TNR: variants seen among roughly 807,000 people sequenced by gnomAD.
The protein encoded by TNR is tenascin-R.
A neutral mutation model predicts 150.4 loss-of-function variants in TNR; 45 were observed. That is an observed-to-expected ratio of 0.30 (90% CI 0.24 to 0.38). The LOEUF (loss-of-function observed/expected upper bound fraction) is 0.38. Among genes scored for constraint, TNR ranks in the 10% least tolerant of loss-of-function variants. The pLI, the probability that TNR is intolerant of heterozygous loss-of-function variation, is 1.00. For synonymous variants in TNR, 687 were observed against 678.4 expected (o/e 1.01, Z -0.20); for missense variants, 1,544 against 1,759.1 (o/e 0.88, Z 2.19).
chr1:175,363,794 T>C lies in TNR; in HGVS notation c.2621A>G (p.Asn874Ser). ...GACCATCACTGAGTCCTTGGTCACA[T>C]TGCTAATTGTGATGTCTTTTGGGGG... is the stretch of plus-strand genomic sequence containing the variant. ...IDPPKDITIS[N>S]VTKDSVMVSW... Residue 874 changes from asparagine to serine, a missense_variant, in exon 13 of 23, where the codon AAT (asparagine) becomes AGT (serine). Physicochemically the swap from Asn to Ser is conservative, Grantham distance 46. Coordinates refer to ENST00000367674, the MANE Select transcript of TNR (RefSeq NM_003285.3). 14 of 1,613,624 alleles carry C rather than the reference T, an allele frequency of 8.7e-6. No individual in the cohort carries two copies. The highest frequency in any genetic ancestry group is 1.1e-5 in the Non-Finnish European group (13 of 1,179,712).
At chr1:175,364,007 G>A (rs1205572057) in intron 12 of TNR, among the ~76,000 whole-genome samples, 180 bp from the exon 13 acceptor site, 1 of 152,182 alleles carries the variant, frequency 6.6e-6, no homozygotes, top group African/African-American at 2.4e-5. Context: ...AACCTTGTAG[G>A]TATGACCAAA....
chr1:175,360,136 C>T (rs1330401426), intron 14 of TNR, among the ~76,000 whole-genome samples: 1 of 152,186 alleles, frequency 6.6e-6, no homozygotes, highest in Non-Finnish European at 1.5e-5. Context: ...ACTTCCCAGG[C>T]TATTTGCACT....
At chr1:175,405,618 AGTGTGTGT>A (rs60670165) in intron 3 of TNR, among the ~76,000 whole-genome samples, 35,862 of 150,054 alleles carry the variant, frequency 0.24, 4,977 homozygotes, top group East Asian at 0.52. Flanking sequence ...TGTGTGTGAG[AGTGTGTGT>A]GTGTGTGTGT....
chr1:175,445,014 TA>T (rs1276419829), intron 2 of TNR, among the ~76,000 whole-genome samples: 2 of 152,146 alleles, frequency 1.3e-5, no homozygotes, highest in Admixed American at 1.3e-4. Flanking sequence ...CTCACACCTG[TA>T]ATCCCAGTAC....
Position 175,677,655 on chromosome 1 carries a change from A to C in TNR, c.-165+65571T>G, listed in dbSNP as rs544252546. ...CAGGGAGGAGAAGAAGATGGAGAGAAGGTACAAGGAGAGGCAGAGTTGTGG... is the reference window on the plus strand; with the variant it reads ...CAGGGAGGAGAAGAAGATGGAGAGACGGTACAAGGAGAGGCAGAGTTGTGG... On this transcript the variant is annotated intron_variant, in intron 1 of 22. Transcript: ENST00000367674. Among the ~76,000 whole-genome samples, 4 of 152,320 alleles carry C rather than the reference A, an allele frequency of 2.6e-5. No homozygotes were observed. In the South Asian group the frequency reaches 8.3e-4, roughly 32 times the overall value.
chr1:175,376,555 G>A (rs1296672816), intron 9 of TNR, among the ~76,000 whole-genome samples: 1 of 152,150 alleles, frequency 6.6e-6, no homozygotes, highest in Non-Finnish European at 1.5e-5. Context: ...GGCATTGGAG[G>A]CTGAAAAACT....
Position 175,440,195 on chromosome 1 carries a change from A to G in TNR, c.-63-33418T>C, listed in dbSNP as rs141665032. Among the ~76,000 whole-genome samples the G allele has an allele frequency of 9.6e-3, 1,462 of 152,320 alleles. 16 individuals are homozygous for G. The highest frequency in any genetic ancestry group is 0.037 in the Middle Eastern group (11 of 294). ...ATACGCCATGGAATACTATGCAGCC[A>G]TAAAAGATGATGAGTTCATGTCCTT... On this transcript the variant is annotated intron_variant, in intron 2 of 22. Transcript: ENST00000367674.
At chr1:175,621,621 C>T (rs1159622327) in intron 1 of TNR, among the ~76,000 whole-genome samples, 1 of 152,248 alleles carries the variant, frequency 6.6e-6, no homozygotes, top group African/African-American at 2.4e-5. Context: ...AGTTTCACAG[C>T]TAGCACTTGC....
chr1:175,530,946 C>A (rs1002812114), intron 1 of TNR, among the ~76,000 whole-genome samples: 7 of 152,114 alleles, frequency 4.6e-5, no homozygotes, highest in Admixed American at 6.5e-5. Flanking sequence ...GTACCCAGGC[C>A]CATGCCAGGC....
At chr1:175,359,859 G>T in intron 14 of TNR, 128 bp from the exon 15 acceptor site, 1 of 1,206,696 alleles carries the variant, frequency 8.3e-7, no homozygotes, top group Non-Finnish European at 1.1e-6. Flanking sequence ...GAAGTGAGCA[G>T]AAACCTCTTC....
rs150365044 is a variant in TNR, at chr1:175,716,356, C to T, written c.-165+26870G>A. ...AACTCAAGACATCTCAAATCCAAAC[C>T]TTACTCCTCCCACATCTGTCTCCCC... is the stretch of plus-strand genomic sequence containing the variant. On this transcript the variant is annotated intron_variant, in intron 1 of 22. Coordinates refer to ENST00000367674, the MANE Select transcript of TNR (RefSeq NM_003285.3). Among the ~76,000 whole-genome samples, 1,459 of 152,276 alleles carry T rather than the reference C, an allele frequency of 9.6e-3. 27 individuals are homozygous for T. The highest frequency in any genetic ancestry group is 0.031 in the African/African-American group (1,270 of 41,546).
intron 2 of TNR, among the ~76,000 whole-genome samples, chr1:175,481,778 C>G (rs1485877065): frequency 6.6e-6 from 1 of 152,168 alleles, no homozygotes; most frequent in Non-Finnish European, 1.5e-5. Context: ...TCCAGCCTTA[C>G]TCTGGTATCC....
intron 1 of TNR, among the ~76,000 whole-genome samples, chr1:175,554,281 G>A (rs1275048420): frequency 1.4e-5 from 2 of 146,080 alleles, no homozygotes; most frequent in African/African-American, 5.1e-5. Context: ...GTGCATGAGT[G>A]CACAAATACA....
intron 6 of TNR, 36 bp downstream of exon 6, chr1:175,393,744 A>G (rs1653288321): frequency 6.6e-7 from 1 of 1,520,500 alleles, no homozygotes; most frequent in Non-Finnish European, 9.1e-7. Flanking sequence ...AATATTCCAA[A>G]TAAGTCTGTT....
At chr1:175,629,212 C>A (rs1047973746) in intron 1 of TNR, among the ~76,000 whole-genome samples, 8 of 152,192 alleles carry the variant, frequency 5.3e-5, no homozygotes, top group African/African-American at 1.4e-4. Flanking sequence ...AAATGTCCTA[C>A]AGATCCAGGC....
chr1:175,549,311 T>C (rs1660841580), intron 1 of TNR, among the ~76,000 whole-genome samples: 1 of 152,222 alleles, frequency 6.6e-6, no homozygotes, highest in South Asian at 2.1e-4. Flanking sequence ...TCTCAAACAC[T>C]GATATTAAAA....
chr1:175,530,673 C>T (rs768589534), intron 1 of TNR, among the ~76,000 whole-genome samples: 17 of 152,118 alleles, frequency 1.1e-4, no homozygotes, highest in Non-Finnish European at 2.9e-5. Flanking sequence ...CATACATACA[C>T]ATACTTTTAC....
intron 9 of TNR, among the ~76,000 whole-genome samples, chr1:175,369,199 C>T (rs1651978276): frequency 6.6e-6 from 1 of 152,190 alleles, no homozygotes; most frequent in Admixed American, 6.5e-5. Flanking sequence ...GCAGTCTTTT[C>T]TCCATCTACA....
intron 1 of TNR, among the ~76,000 whole-genome samples, chr1:175,690,421 C>G (rs976656019): frequency 6.6e-6 from 1 of 152,118 alleles, no homozygotes; most frequent in African/African-American, 2.4e-5. Flanking sequence ...ATGGGGTGAC[C>G]AGGAAAGTCC....
Sources: allele counts gnomAD v4.1 joint callset (sites outside exome capture counted in the v4.1 genomes callset), GRCh38; gene constraint gnomAD v4.1.1; transcripts MANE v1.5; gene names NCBI Gene and HGNC (gene_info 2026-07-23, HGNC 2026-07-21).